PTH2R: variants seen among roughly 807,000 people sequenced by gnomAD.
The protein encoded by PTH2R is PTH2 receptor.
PTH2R carries 59 observed loss-of-function variants against 60.3 expected under a neutral mutation model. The observed-to-expected ratio is 0.98, with a 90% confidence interval of 0.79 to 1.22. The LOEUF is 1.22. PTH2R is among the 50% of genes most tolerant of loss of function. PTH2R has a pLI of 0.00. For synonymous variants in PTH2R, 256 were observed against 243.8 expected, an observed-to-expected ratio of 1.05 and a Z score of -0.47; for missense variants, 749 against 682.6, an observed-to-expected ratio of 1.10 and a Z score of -1.08.
At chr2:208,459,188 C>T (rs1368921138) in intron 8 of PTH2R, among the ~76,000 whole-genome samples, 1 of 152,060 alleles carries the variant, frequency 6.6e-6, no homozygotes, top group African/African-American at 2.4e-5. Context: ...TTTTGATTTG[C>T]ATTTCTCTAG....
chr2:208,432,757 G>T (rs1701998296), intron 2 of PTH2R, among the ~76,000 whole-genome samples: 1 of 152,208 alleles, frequency 6.6e-6, no homozygotes, highest in Non-Finnish European at 1.5e-5. Flanking sequence ...AAAGGCCGAA[G>T]AACCTGGAGT....
chr2:208,436,622 T>C (rs1439781159), intron 2 of PTH2R, among the ~76,000 whole-genome samples: 1 of 152,122 alleles, frequency 6.6e-6, no homozygotes. Context: ...CAACTGCTCA[T>C]GACCTGCGTG....
chr2:208,381,042 T>C (rs1700903689), intron 1 of PTH2R, among the ~76,000 whole-genome samples: 1 of 152,166 alleles, frequency 6.6e-6, no homozygotes, highest in Non-Finnish European at 1.5e-5. Flanking sequence ...CTTTGAGATA[T>C]ATCACACAAT....
At position 208,459,953 on chromosome 2, in the gene PTH2R, GC is replaced by G; in HGVS notation, c.974del (p.Ala325ValfsTer4). Reference protein sequence around the residue: ...KWIYQAPILAAIGLNFILFLN... With the variant: ...KWIYQAPILAXIGLNFILFLN... ...GATTTATCAAGCACCGATCTTAGCA[GC>G]TATTGGGGTAAGTTTAAAAGTTTGT... On this transcript the variant is annotated frameshift_variant, in exon 9 of 13. Transcript: ENST00000272847. LOFTEE classifies it high-confidence loss of function. 6.2e-7 allele frequency: 1 copy of G among 1,612,846 alleles called. No individual in the cohort carries two copies. Among genetic ancestry groups the G allele is most frequent in the South Asian group, 1.1e-5 (1 of 90,920 alleles).
chr2:208,414,611 A>G (rs945748564), intron 1 of PTH2R, among the ~76,000 whole-genome samples: 11 of 151,678 alleles, frequency 7.3e-5, no homozygotes, highest in African/African-American at 2.7e-4. Context: ...TTTTGGGTTG[A>G]TACATCCTCA....
At chr2:208,380,014 G>A (rs1407905431) in intron 1 of PTH2R, among the ~76,000 whole-genome samples, 1 of 152,102 alleles carries the variant, frequency 6.6e-6, no homozygotes, top group African/African-American at 2.4e-5. Flanking sequence ...ATTCTCACTA[G>A]CCGTGTGAAC....
intron 9 of PTH2R, among the ~76,000 whole-genome samples, chr2:208,468,817 T>G (rs1372611041): frequency 6.6e-6 from 1 of 152,208 alleles, no homozygotes; most frequent in Non-Finnish European, 1.5e-5. Context: ...GCAAGGTTTA[T>G]GTAAACAAGA....
At chr2:208,483,558 T>G (rs775732044) in intron 10 of PTH2R, among the ~76,000 whole-genome samples, 4 of 152,168 alleles carry the variant, frequency 2.6e-5, no homozygotes, top group Non-Finnish European at 4.4e-5. Flanking sequence ...AGACAATATT[T>G]TGAATTAATT....
At chr2:208,474,718 A>T (rs969734392) in intron 9 of PTH2R, among the ~76,000 whole-genome samples, 1 of 152,248 alleles carries the variant, frequency 6.6e-6, no homozygotes, top group African/African-American at 2.4e-5. Context: ...ACATCAAAAT[A>T]TTTTAAGCAG....
At chr2:208,389,703 A>G (rs1285625557) in intron 1 of PTH2R, among the ~76,000 whole-genome samples, 1 of 152,182 alleles carries the variant, frequency 6.6e-6, no homozygotes, top group Non-Finnish European at 1.5e-5. Context: ...TTTATCACAC[A>G]TTTGTGATGT....
At chr2:208,462,605 A>C (rs1401294282) in intron 9 of PTH2R, among the ~76,000 whole-genome samples, 1 of 152,242 alleles carries the variant, frequency 6.6e-6, no homozygotes, top group Non-Finnish European at 1.5e-5. Flanking sequence ...CCTGGATTCC[A>C]AGGACAGTGA....
At chr2:208,407,598 G>A (rs142957304) in intron 1 of PTH2R, among the ~76,000 whole-genome samples, 8 of 152,302 alleles carry the variant, frequency 5.3e-5, no homozygotes, top group African/African-American at 1.4e-4. Flanking sequence ...ATACATTCAA[G>A]TTAGGAGACA....
intron 1 of PTH2R, among the ~76,000 whole-genome samples, chr2:208,398,735 A>C (rs891527824): frequency 6.6e-6 from 1 of 152,162 alleles, no homozygotes; most frequent in Non-Finnish European, 1.5e-5. Context: ...TACTATCTCG[A>C]TTTTGTGCTG....
chr2:208,436,206 T>C (rs1180766421), intron 2 of PTH2R, among the ~76,000 whole-genome samples: 4 of 151,950 alleles, frequency 2.6e-5, no homozygotes, highest in African/African-American at 9.7e-5. Flanking sequence ...CAGGAAAAGG[T>C]ATAAGGAAGA....
intron 9 of PTH2R, among the ~76,000 whole-genome samples, chr2:208,468,284 C>T (rs949109663): frequency 1.3e-5 from 2 of 152,178 alleles, no homozygotes; most frequent in Non-Finnish European, 2.9e-5. Context: ...ACAACAAACA[C>T]GACATAGTTC....
At chr2:208,432,099 G>T (rs1249411326) in intron 2 of PTH2R, among the ~76,000 whole-genome samples, 2 of 152,130 alleles carry the variant, frequency 1.3e-5, no homozygotes, top group African/African-American at 4.8e-5. Context: ...ACATCATCAT[G>T]AAAAAATTTG....
intron 1 of PTH2R, among the ~76,000 whole-genome samples, chr2:208,381,903 G>A (rs1700921453): frequency 6.6e-6 from 1 of 152,094 alleles, no homozygotes; most frequent in Non-Finnish European, 1.5e-5. Context: ...CTGCACATTT[G>A]ATTCTTGGAC....
At chr2:208,437,925 A>T in intron 4 of PTH2R, 44 bp downstream of exon 4, 1 of 1,586,952 alleles carries the variant, frequency 6.3e-7, no homozygotes, top group Non-Finnish European at 8.6e-7. Flanking sequence ...GGAAAGCAGA[A>T]TAATATTTTA....
At chr2:208,429,312 A>G (rs1405743102) in intron 2 of PTH2R, among the ~76,000 whole-genome samples, 1 of 152,142 alleles carries the variant, frequency 6.6e-6, no homozygotes, top group African/African-American at 2.4e-5. Context: ...TATATCTTAA[A>G]ATATGCTACT....
Sources: allele counts gnomAD v4.1 joint callset (sites outside exome capture counted in the v4.1 genomes callset), GRCh38; gene constraint gnomAD v4.1.1; transcripts MANE v1.5; gene names NCBI Gene and HGNC (gene_info 2026-07-23, HGNC 2026-07-21).